The following GKN1 variants were observed in gnomAD, a reference collection of about 807,000 sequenced individuals.
GKN1 encodes the protein gastrokine-1.
GKN1 carries 17 observed loss-of-function variants against 19.7 expected under a neutral mutation model. The ratio of observed to expected loss-of-function variants is 0.86; its 90% confidence interval spans 0.59 to 1.29. The LOEUF (loss-of-function observed/expected upper bound fraction) is 1.29, where lower values mean the gene tolerates loss of function less well. GKN1 is among the 50% of genes most tolerant of loss of function. The pLI is 0.00. For synonymous variants in GKN1, 96 were observed against 78.3 expected (o/e 1.23, Z -1.20); for missense variants, 218 against 224.5 (o/e 0.97, Z 0.19).
At chr2:68,980,688 A>T in intron 5 of GKN1, 41 bp from the exon 6 acceptor site, 1 of 1,026,070 alleles carries the variant, frequency 9.7e-7, no homozygotes, top group Non-Finnish European at 1.5e-6. Flanking sequence ...AAGAGTCCTT[A>T]AATAGACATT....
intron 1 of GKN1, among the ~76,000 whole-genome samples, chr2:68,975,504 T>G (rs1670245921): frequency 1.3e-5 from 2 of 152,126 alleles, no homozygotes; most frequent in African/African-American, 4.8e-5. Flanking sequence ...CACAACACGA[T>G]GCAAAGGGGC....
intron 1 of GKN1, among the ~76,000 whole-genome samples, chr2:68,976,852 TCTA>T (rs1288701297): frequency 6.6e-6 from 1 of 152,190 alleles, no homozygotes; most frequent in Non-Finnish European, 1.5e-5. Flanking sequence ...AAGGCAGTTC[TCTA>T]CTTTCTAATA....
In GKN1 at chr2:68,980,058, A is replaced by T. The variant is rs1406161843; in HGVS notation, c.461A>T (p.Gln154Leu). Residue 154 changes from glutamine (Q) to leucine (L), a missense_variant and splice_region_variant, in exon 5 of 6, where the codon CAA becomes CTA. Transcript: ENST00000377938. The part of the protein sequence containing the change: ...GIPTYMAEEM[Q>L]EASLFFYSGT... ...CCAACATACATGGCTGAGGAGATGC[A>T]AGGTGAGTAGCATCCCTACTGTGCA... 6.2e-7 allele frequency: 1 copy of T among 1,612,650 alleles called. No homozygotes were observed. Among genetic ancestry groups the T allele is most frequent in the Non-Finnish European group, 8.5e-7 (1 of 1,178,936 alleles).
chr2:68,977,830 A>T (rs1670287278), intron 3 of GKN1, 56 bp downstream of exon 3: 1 of 1,382,646 alleles, frequency 7.2e-7, no homozygotes, highest in African/African-American at 1.4e-5. Flanking sequence ...ATTTCTTTTT[A>T]ACAAAAAATG....
At chr2:68,978,641 G>A (rs13424322) in intron 3 of GKN1, among the ~76,000 whole-genome samples, 25,625 of 152,076 alleles carry the variant, frequency 0.17, 2,973 homozygotes, top group African/African-American at 0.31. Flanking sequence ...CTGGAACCTG[G>A]AAATAAAGCA....
chr2:68,976,854 T>C (rs543554659), intron 1 of GKN1, among the ~76,000 whole-genome samples: 1 of 152,332 alleles, frequency 6.6e-6, no homozygotes, highest in South Asian at 2.1e-4. Flanking sequence ...GGCAGTTCTC[T>C]ACTTTCTAAT....
chr2:68,980,279 T>C (rs547674149), intron 5 of GKN1, among the ~76,000 whole-genome samples: 1 of 152,286 alleles, frequency 6.6e-6, no homozygotes, highest in African/African-American at 2.4e-5. Flanking sequence ...TCCTACTTTA[T>C]GGATGAGGAA....
At chr2:68,980,678 A>C (rs1670345199) in intron 5 of GKN1, 51 bp from the exon 6 acceptor site, 3 of 935,600 alleles carry the variant, frequency 3.2e-6, no homozygotes, top group Admixed American at 1.8e-5. Flanking sequence ...CCTCCAAGAA[A>C]AGAGTCCTTA....
intron 1 of GKN1, among the ~76,000 whole-genome samples, chr2:68,976,880 T>C (rs1227899896): frequency 1.3e-5 from 2 of 152,206 alleles, no homozygotes; most frequent in Non-Finnish European, 2.9e-5. Context: ...CTATGGTTTA[T>C]ATTACATAAT....
chr2:68,979,934 G>A lies in GKN1; in HGVS notation c.337G>A (p.Gly113Arg), dbSNP rs1040061954. The A allele has an allele frequency of 6.2e-7, 1 of 1,613,610 alleles. No homozygotes were observed. The highest frequency in any genetic ancestry group is 8.5e-7 in the Non-Finnish European group (1 of 1,179,564). Residue 113 changes from glycine to arginine, a missense_variant, in exon 5 of 6, where the codon GGA (glycine) becomes AGA (arginine). Physicochemically the swap from Gly to Arg is moderately radical, Grantham distance 125 (BLOSUM62 -2). Coordinates refer to ENST00000377938, the MANE Select transcript of GKN1 (RefSeq NM_019617.4). ...EKKLQGKGPG[G>R]PPPKGLMYSV... ...TCAGCTTCAGGGTAAGGGACCAGGA[G>A]GACCACCTCCCAAGGGCCTGATGTA... is the stretch of plus-strand genomic sequence containing the variant.
At chr2:68,980,267 A>T (rs781475986) in intron 5 of GKN1, among the ~76,000 whole-genome samples, 20 of 152,146 alleles carry the variant, frequency 1.3e-4, no homozygotes, top group Non-Finnish European at 2.5e-4. Context: ...GTTCTATTTT[A>T]ATCCTACTTT....
Position 68,980,774 on chromosome 2 carries a change from T to C in GKN1, c.509T>C (p.Val170Ala). 6.3e-7 allele frequency: 1 copy of C among 1,599,716 alleles called. No individual in the cohort carries two copies. Among genetic ancestry groups the C allele is most frequent in the South Asian group, 1.1e-5 (1 of 90,780 alleles). ...FYSGTCYTTSVLWIVDISFCG... is the reference protein window; with the variant it reads ...FYSGTCYTTSALWIVDISFCG... The stretch of plus-strand genomic sequence containing the variant: ...TCAGGAACGTGCTACACGACCAGTG[T>C]ACTATGGATTGTGGACATTTCCTTC... The change falls in exon 6 of 6, where the codon GTA becomes GCA. Residue 170 changes from valine (V) to alanine (A), a missense_variant. Coordinates refer to ENST00000377938, the MANE Select transcript of GKN1 (RefSeq NM_019617.4).
intron 4 of GKN1, among the ~76,000 whole-genome samples, 197 bp from the exon 5 acceptor site, chr2:68,979,716 C>G (rs72839530): frequency 0.1 from 15,817 of 152,220 alleles, 1,212 homozygotes; most frequent in Non-Finnish European, 0.16. Context: ...TTCAAACCAG[C>G]TAAATCCCTT....
In GKN1 at chr2:68,980,031, T is replaced by C; in HGVS notation, c.434T>C (p.Ile145Thr). ...AACATTGCAAACATGTGTCGTGGGA[T>C]TCCAACATACATGGCTGAGGAGATG... ...GKNIANMCRG[I>T]PTYMAEEMQE... The change falls in exon 5 of 6, where the codon ATT (isoleucine) becomes ACT (threonine). Residue 145 changes from isoleucine (I) to threonine (T), a missense_variant. Coordinates refer to ENST00000377938, the MANE Select transcript of GKN1 (RefSeq NM_019617.4). The C allele has an allele frequency of 6.2e-7, 1 of 1,614,060 alleles. No individual in the cohort carries two copies. The highest frequency in any genetic ancestry group is 8.5e-7 in the Non-Finnish European group (1 of 1,179,944).
At chr2:68,974,765 C>A in intron 1 of GKN1, 76 bp downstream of exon 1, 1 of 922,904 alleles carries the variant, frequency 1.1e-6, no homozygotes, top group Non-Finnish European at 1.8e-6. Context: ...AGGAGGTCTG[C>A]TTCTTATGGC....
chr2:68,976,633 T>C (rs902814042), intron 1 of GKN1, among the ~76,000 whole-genome samples: 15 of 152,288 alleles, frequency 9.8e-5, no homozygotes, highest in Admixed American at 7.2e-4. Flanking sequence ...TTTCAATAAC[T>C]TAAAAGTGAA....
Position 68,980,889 on chromosome 2 carries a change from C to T in GKN1, c.*66C>T, listed in dbSNP as rs13431582. 0.078 allele frequency: 62,592 copies of T among 799,926 alleles called. 3,609 individuals are homozygous for T. The highest frequency in any genetic ancestry group is 0.24 in the African/African-American group (14,130 of 58,726). 49.6% of individuals were successfully genotyped at this position (799,926 alleles called of 1,614,324 possible). On this transcript the variant is annotated 3_prime_UTR_variant, in exon 6 of 6. Coordinates refer to ENST00000377938, the MANE Select transcript of GKN1 (RefSeq NM_019617.4). ...TGCTGTGCAGAAAAAATATGGGCTC[C>T]AGTGGTTTTTACCATGTCATTCTGA...
intron 4 of GKN1, 107 bp from the exon 5 acceptor site, chr2:68,979,806 G>A (rs547756583): frequency 1.7e-5 from 14 of 841,898 alleles, no homozygotes; most frequent in African/African-American, 1.3e-4. Context: ...AAATTTAGCT[G>A]AGCAACACTC....
At position 68,978,296 on chromosome 2, in the gene GKN1, G is replaced by GAA. The variant is rs796222573; in HGVS notation, c.204+523_204+524insAA. On this transcript the variant is annotated intron_variant, in intron 3 of 5. Coordinates refer to ENST00000377938, the MANE Select transcript of GKN1 (RefSeq NM_019617.4). ...GGAAAGAAAGAAAGAAAGAAAGAAAGAGAGAGAAAGAAAGAAAAAGAAAAA... is the reference window on the plus strand; with the variant it reads ...GGAAAGAAAGAAAGAAAGAAAGAAAGAAAGAGAGAAAGAAAGAAAAAGAAAAA... Among the ~76,000 whole-genome samples the GAA allele has an allele frequency of 6.0e-3, 609 of 101,898 alleles. 17 individuals are homozygous for GAA. Among genetic ancestry groups the GAA allele is most frequent in the African/African-American group, 0.03 (509 of 17,228 alleles). The allele number at this position is 101,898 out of a possible 152,430, so 66.8% of individuals were successfully genotyped here.
Sources: allele counts gnomAD v4.1 joint callset (sites outside exome capture counted in the v4.1 genomes callset), GRCh38; gene constraint gnomAD v4.1.1; transcripts MANE v1.5; gene names NCBI Gene and HGNC (gene_info 2026-07-23, HGNC 2026-07-21).